Variants in STK32C observed in about 807,000 individuals in gnomAD.
STK32C encodes serine/threonine-protein kinase 32C.
In STK32C, 31 loss-of-function variants were observed where a neutral mutation model predicts 56.5. That is an observed-to-expected ratio of 0.55 (90% CI 0.41 to 0.74). The LOEUF (loss-of-function observed/expected upper bound fraction) is 0.74. STK32C is among the 30% of genes least tolerant of loss of function. STK32C has a pLI of 0.00. For synonymous variants in STK32C, 309 were observed against 289.4 expected (o/e 1.07, Z -0.69); for missense variants, 544 against 676.9 (o/e 0.80, Z 2.18).
intron 2 of STK32C, among the ~76,000 whole-genome samples, chr10:132,238,980 C>T (rs1305899114): frequency 6.6e-6 from 1 of 152,202 alleles, no homozygotes; most frequent in Non-Finnish European, 1.5e-5. Flanking sequence ...GTCCTCAGTG[C>T]TCCTGAAACC....
At position 132,223,782 on chromosome 10, in the gene STK32C, G is replaced by A. The variant is rs541776823; in HGVS notation, c.993+625C>T. 4.1e-4 allele frequency among the ~76,000 whole-genome samples: 62 copies of A among 152,296 alleles called. 1 individual carries two copies. The highest frequency in any genetic ancestry group is 1.4e-3 in the African/African-American group (60 of 41,566). ...GCACACTCACTCCCCTCCCTGTCCT[G>A]CCTGGGCCTGGCTCTGACTCCGAAC... is the stretch of plus-strand genomic sequence containing the variant. On this transcript the variant is annotated intron_variant, in intron 8 of 11. Coordinates refer to ENST00000298630, the MANE Select transcript of STK32C (RefSeq NM_173575.4).
chr10:132,291,175 C>T lies in STK32C; in HGVS notation c.262+16397G>A, dbSNP rs139069814. Among the ~76,000 whole-genome samples, 600 of 152,338 alleles carry T rather than the reference C, an allele frequency of 3.9e-3. 5 individuals carry two copies. Among genetic ancestry groups the T allele is most frequent in the African/African-American group, 0.013 (535 of 41,574 alleles). ...TTTCTGAACCTTCCAATTAGCTCGG[C>T]GGTGGCTGAGCTGGCTTGCGCTCTC... On this transcript the variant is annotated intron_variant, in intron 1 of 11. Coordinates refer to ENST00000298630, the MANE Select transcript of STK32C (RefSeq NM_173575.4).
chr10:132,265,350 A>C (rs907617119), intron 1 of STK32C, among the ~76,000 whole-genome samples: 4 of 152,118 alleles, frequency 2.6e-5, no homozygotes, highest in Admixed American at 2.6e-4. Flanking sequence ...TCCCTGCCAC[A>C]CTCAGCCCAG....
intron 2 of STK32C, among the ~76,000 whole-genome samples, chr10:132,242,541 G>C (rs1443893852): frequency 6.6e-6 from 1 of 151,676 alleles, no homozygotes; most frequent in African/African-American, 2.4e-5. Context: ...ACCCTCCCCC[G>C]GGAGAGGGGC....
Sources: gnomAD v4.1 joint callset for allele counts (sites outside exome capture counted in the v4.1 genomes callset) on GRCh38, gnomAD v4.1.1 for gene constraint, MANE v1.5 for transcripts, NCBI Gene and HGNC (gene_info 2026-07-23, HGNC 2026-07-21) for gene names.